Variants in NLGN1 observed in about 807,000 individuals in gnomAD.
NLGN1 encodes neuroligin-1.
NLGN1 carries 12 observed loss-of-function variants against 65.5 expected under a neutral mutation model. The observed-to-expected ratio is 0.18, with a 90% CI of 0.12 to 0.30. NLGN1 has a LOEUF of 0.30. NLGN1 is among the 10% of genes least tolerant of loss of function. The pLI is 1.00. For synonymous variants in NLGN1, 350 were observed against 359.5 expected (o/e 0.97, Z 0.30); for missense variants, 750 against 1,007.1 (o/e 0.74, Z 3.46).
intron 4 of NLGN1, among the ~76,000 whole-genome samples, chr3:173,930,003 C>T (rs549006782): frequency 6.6e-6 from 1 of 152,262 alleles, no homozygotes; most frequent in Admixed American, 6.5e-5. Context: ...CACGCCTGGC[C>T]AAGCTTCTTC....
At chr3:174,118,878 A>G (rs1195136257) in intron 4 of NLGN1, among the ~76,000 whole-genome samples, 3 of 152,182 alleles carry the variant, frequency 2.0e-5, no homozygotes, top group Non-Finnish European at 4.4e-5. Flanking sequence ...TACAGATTAC[A>G]TAACTGAATG....
intron 3 of NLGN1, among the ~76,000 whole-genome samples, chr3:173,784,116 A>G (rs1781597617): frequency 1.3e-5 from 2 of 152,352 alleles, no homozygotes; most frequent in Admixed American, 6.5e-5. Context: ...TAATGTACTC[A>G]GAACTTTACA....
chr3:173,728,931 C>T (rs1772319328), intron 3 of NLGN1, among the ~76,000 whole-genome samples: 1 of 151,952 alleles, frequency 6.6e-6, no homozygotes, highest in East Asian at 1.9e-4. Flanking sequence ...GTAATTTGTT[C>T]CTGTAGCCCT....
chr3:173,751,498 A>C (rs996644431), intron 3 of NLGN1, among the ~76,000 whole-genome samples: 1 of 152,052 alleles, frequency 6.6e-6, no homozygotes, highest in Non-Finnish European at 1.5e-5. Context: ...TTCTCCCTAA[A>C]TATAAGTGTG....
chr3:174,070,513 G>A (rs927093642), intron 4 of NLGN1, among the ~76,000 whole-genome samples: 1 of 151,538 alleles, frequency 6.6e-6, no homozygotes, highest in African/African-American at 2.4e-5. Flanking sequence ...TGTATTTTTA[G>A]TAGTGATGGG....
intron 4 of NLGN1, among the ~76,000 whole-genome samples, chr3:173,812,085 G>A (rs1578562853): frequency 6.6e-6 from 1 of 152,030 alleles, no homozygotes; most frequent in East Asian, 1.9e-4. Flanking sequence ...AAATATTTTA[G>A]AAGTACTGAT....
At chr3:173,781,017 G>T (rs921939118) in intron 3 of NLGN1, among the ~76,000 whole-genome samples, 2 of 151,468 alleles carry the variant, frequency 1.3e-5, no homozygotes, top group Non-Finnish European at 2.9e-5. Flanking sequence ...GGTGGCGGGC[G>T]CCTGTAGTCC....
chr3:174,158,187 A>C (rs770936399), intron 4 of NLGN1, among the ~76,000 whole-genome samples: 1 of 151,770 alleles, frequency 6.6e-6, no homozygotes, highest in African/African-American at 2.4e-5. Flanking sequence ...TACAGTTTTT[A>C]GTCTCCTTTT....
chr3:173,557,111 A>T (rs1559964686), intron 2 of NLGN1, among the ~76,000 whole-genome samples: 1 of 152,154 alleles, frequency 6.6e-6, no homozygotes, highest in Non-Finnish European at 1.5e-5. Flanking sequence ...GGATGCATTT[A>T]CTTCTCCCTG....
intron 3 of NLGN1, among the ~76,000 whole-genome samples, chr3:173,714,573 A>G (rs1769531318): frequency 6.6e-6 from 1 of 152,166 alleles, no homozygotes; most frequent in African/African-American, 2.4e-5. Context: ...AGGTACATAC[A>G]GGTTGCTGCT....
intron 3 of NLGN1, chr3:173,685,859 C>A: frequency 1.1e-6 from 1 of 901,854 alleles, no homozygotes. Context: ...CATCAGATGT[C>A]CTCTTACAAT....
chr3:173,959,639 A>G (rs1446550727), intron 4 of NLGN1, among the ~76,000 whole-genome samples: 1 of 152,234 alleles, frequency 6.6e-6, no homozygotes, highest in African/African-American at 2.4e-5. Context: ...CTGCTTGGTC[A>G]ACTTTGCAAT....
chr3:173,969,822 G>T (rs1164693450), intron 4 of NLGN1, among the ~76,000 whole-genome samples: 1 of 151,446 alleles, frequency 6.6e-6, no homozygotes, highest in South Asian at 2.1e-4. Context: ...AATCAAAATT[G>T]CTACCAAAAA....
intron 2 of NLGN1, among the ~76,000 whole-genome samples, chr3:173,465,142 C>G (rs1201869178): frequency 1.3e-5 from 2 of 152,214 alleles, no homozygotes; most frequent in African/African-American, 4.8e-5. Flanking sequence ...CATAATTAAG[C>G]CTTGTTCAAT....
chr3:173,720,778 G>A (rs78367496), intron 3 of NLGN1, among the ~76,000 whole-genome samples: 2,983 of 152,292 alleles, frequency 0.02, 45 homozygotes, highest in Non-Finnish European at 0.03. Context: ...TGCCTATGAA[G>A]GCATAGTGCA....
intron 4 of NLGN1, among the ~76,000 whole-genome samples, chr3:174,183,580 T>A (rs1730834845): frequency 6.6e-6 from 1 of 151,914 alleles, no homozygotes; most frequent in Non-Finnish European, 1.5e-5. Context: ...AATGTTAGGG[T>A]GAAGGGAAAG....
chr3:173,443,319 CTATA>C (rs71897743), intron 2 of NLGN1, among the ~76,000 whole-genome samples: 3 of 146,594 alleles, frequency 2.0e-5, no homozygotes, highest in Non-Finnish European at 3.0e-5. Context: ...TATATATATA[CTATA>C]TATATATATA....
At chr3:173,618,820 T>TGA (rs1753544467) in intron 3 of NLGN1, among the ~76,000 whole-genome samples, 3 of 151,462 alleles carry the variant, frequency 2.0e-5, no homozygotes, top group African/African-American at 7.3e-5. Context: ...AATCTAGGAG[T>TGA]GAGAGATAAA....
At chr3:174,228,477 CAA>C (rs1029300062) in intron 4 of NLGN1, among the ~76,000 whole-genome samples, 1 of 152,032 alleles carries the variant, frequency 6.6e-6, no homozygotes, top group Non-Finnish European at 1.5e-5. Context: ...GCTACAGAAA[CAA>C]AACTACAGAC....
Sources: allele counts gnomAD v4.1 joint callset (sites outside exome capture counted in the v4.1 genomes callset), GRCh38; gene constraint gnomAD v4.1.1; transcripts MANE v1.5; gene names NCBI Gene and HGNC (gene_info 2026-07-23, HGNC 2026-07-21).